The following KCNQ1 variants were observed in gnomAD, a reference collection of about 807,000 sequenced individuals.
KCNQ1 encodes potassium voltage-gated channel subfamily KQT member 1.
Under a neutral mutation model 72.4 loss-of-function variants are expected in KCNQ1, and 49 were observed. That is an observed-to-expected ratio of 0.68 (90% CI 0.54 to 0.86). The LOEUF (loss-of-function observed/expected upper bound fraction) is 0.86, where lower values mean the gene tolerates loss of function less well. Among genes scored for constraint, KCNQ1 ranks in the 40% least tolerant of loss-of-function variants. KCNQ1 has a pLI of 0.00. For missense variants in KCNQ1, 790 were observed against 945.1 expected, an observed-to-expected ratio of 0.84 and a Z score of 2.15; for synonymous variants, 450 against 412.6, an observed-to-expected ratio of 1.09 and a Z score of -1.10.
At chr11:2,506,463 C>T (rs1847107407) in intron 1 of KCNQ1, among the ~76,000 whole-genome samples, 2 of 152,196 alleles carry the variant, frequency 1.3e-5, no homozygotes, top group Admixed American at 1.3e-4. Context: ...TATTTATGGG[C>T]ATTTAGGTTG....
intron 10 of KCNQ1, chr11:2,638,026 G>C (rs898848061): frequency 7.9e-5 from 12 of 151,992 alleles, no homozygotes; most frequent in African/African-American, 2.7e-4. Flanking sequence ...TTTTCCATTT[G>C]CTTGGTAGAT....
chr11:2,637,149 T>G (rs1849484958), intron 10 of KCNQ1: 1 of 152,192 alleles, frequency 6.6e-6, no homozygotes, highest in South Asian at 2.1e-4. Context: ...GATTCATTGA[T>G]TTTTTGAAGG....
At chr11:2,540,100 G>A (rs975234142) in intron 2 of KCNQ1, among the ~76,000 whole-genome samples, 9 of 152,114 alleles carry the variant, frequency 5.9e-5, no homozygotes, top group African/African-American at 2.2e-4. Context: ...CCACCCTGTG[G>A]GGCCCACTGG....
intron 10 of KCNQ1, chr11:2,625,465 G>C: frequency 2.5e-6 from 1 of 398,452 alleles, no homozygotes; most frequent in East Asian, 3.6e-5. Flanking sequence ...GTGTATGTAA[G>C]GTTGTGGTTT....
chr11:2,584,505 GTGTGTGTGTT>G (rs1458527384), intron 7 of KCNQ1, among the ~76,000 whole-genome samples: 1 of 151,438 alleles, frequency 6.6e-6, no homozygotes, highest in Non-Finnish European at 1.5e-5. Context: ...ATGTGGGTTA[GTGTGTGTGTT>G]TGTGTGTTAG....
chr11:2,705,287 G>A (rs1301708007), intron 11 of KCNQ1, among the ~76,000 whole-genome samples: 3 of 152,204 alleles, frequency 2.0e-5, no homozygotes, highest in African/African-American at 7.2e-5. Flanking sequence ...CGGTCTCCAT[G>A]AGTGGCAGCA....
At chr11:2,640,247 T>A in intron 10 of KCNQ1, 1 of 396,962 alleles carries the variant, frequency 2.5e-6, no homozygotes, top group Admixed American at 4.4e-5. Flanking sequence ...CCCAGTGAGA[T>A]GAACCCACTA....
rs369569642 is a variant in KCNQ1 at position 2,520,931 on chromosome 11, C to T, written c.387-6997C>T. Among the ~76,000 whole-genome samples, 63 of 152,298 alleles carry T rather than the reference C, an allele frequency of 4.1e-4. 4 individuals are homozygous for T. The South Asian group carries it at 0.012, about 29-fold the overall frequency. ...ACCCATTGTCTGCTTATCAGCCTGG[C>T]GAGGTCCCGTCCCCAGTAGGGGTCT... is the stretch of plus-strand genomic sequence containing the variant. On this transcript the variant is annotated intron_variant, in intron 1 of 15. Coordinates refer to ENST00000155840, the MANE Select transcript of KCNQ1 (RefSeq NM_000218.3).
chr11:2,630,903 C>G (rs1032258219), intron 10 of KCNQ1: 53 of 398,334 alleles, frequency 1.3e-4, no homozygotes, highest in Non-Finnish European at 2.2e-4. Context: ...AATATATAAT[C>G]CTATTGTTTC....
chr11:2,530,959 G>A (rs1847614072), intron 2 of KCNQ1, among the ~76,000 whole-genome samples: 2 of 152,038 alleles, frequency 1.3e-5, no homozygotes, highest in African/African-American at 2.4e-5. Context: ...TTAGCCCCTC[G>A]CCCCCAGGTG....
chr11:2,533,616 GGTGT>G, intron 2 of KCNQ1, among the ~76,000 whole-genome samples: 1 of 152,352 alleles, frequency 6.6e-6, no homozygotes. Context: ...ACATATGCCT[GGTGT>G]GTGTGTGCAC....
At chr11:2,525,216 G>A (rs1358950015) in intron 1 of KCNQ1, among the ~76,000 whole-genome samples, 1 of 152,192 alleles carries the variant, frequency 6.6e-6, no homozygotes, top group African/African-American at 2.4e-5. Context: ...CTGTGTGCAA[G>A]GTGAGCCAGT....
intron 15 of KCNQ1, among the ~76,000 whole-genome samples, chr11:2,846,389 G>A (rs1334655234): frequency 6.6e-6 from 1 of 152,122 alleles, no homozygotes; most frequent in African/African-American, 2.4e-5. Flanking sequence ...AGGCCTCCAG[G>A]TACCCACGGT....
intron 15 of KCNQ1, among the ~76,000 whole-genome samples, chr11:2,786,408 T>A (rs574452318): frequency 6.6e-6 from 1 of 152,298 alleles, no homozygotes; most frequent in South Asian, 2.1e-4. Flanking sequence ...GATATGTTAA[T>A]AGGTTTCTTT....
Position 2,715,434 on chromosome 11 carries a change from G to T in KCNQ1, c.1514+53353G>T, listed in dbSNP as rs1024293116. ...ACCCTTTGTTGGCCAGTGTGGGAAT[G>T]GGGGGAGGCCAGGGAGGACCCCCTG... is the stretch of plus-strand genomic sequence containing the variant. On this transcript the variant is annotated intron_variant, in intron 11 of 15. Coordinates refer to ENST00000155840, the MANE Select transcript of KCNQ1 (RefSeq NM_000218.3). The surrounding 1 kb of genome is among the most constrained non-coding windows in gnomAD (Gnocchi z 4.9). Among the ~76,000 whole-genome samples, 11 of 152,100 alleles carry T rather than the reference G, an allele frequency of 7.2e-5. No homozygotes were observed. The highest frequency in any genetic ancestry group is 1.2e-4 in the African/African-American group (5 of 41,412).
intron 6 of KCNQ1, among the ~76,000 whole-genome samples, chr11:2,575,824 C>A (rs1848415022): frequency 6.6e-6 from 1 of 152,166 alleles, no homozygotes; most frequent in Non-Finnish European, 1.5e-5. Context: ...GGTGCTGGAG[C>A]TGCCACAACA....
chr11:2,539,482 C>T (rs1228959479), intron 2 of KCNQ1, among the ~76,000 whole-genome samples: 1 of 152,228 alleles, frequency 6.6e-6, no homozygotes, highest in Non-Finnish European at 1.5e-5. Flanking sequence ...TGGTGAGAGG[C>T]CCCACAAGCG....
At position 2,848,696 on chromosome 11, in the gene KCNQ1, A is replaced by T. The variant is rs1848394406; in HGVS notation, c.*693A>T. On this transcript the variant is annotated 3_prime_UTR_variant, in exon 16 of 16. Coordinates refer to ENST00000155840, the MANE Select transcript of KCNQ1 (RefSeq NM_000218.3). ...TAGACTGCCAGCTCTTCCTAGCTGGAGAGGAGCCCTGCCTCTCCGCCCCTG... is the reference window on the plus strand; with the variant it reads ...TAGACTGCCAGCTCTTCCTAGCTGGTGAGGAGCCCTGCCTCTCCGCCCCTG... The T allele has an allele frequency of 2.2e-6, 1 of 450,462 alleles. No homozygotes were observed. The highest frequency in any genetic ancestry group is 2.0e-5 in the African/African-American group (1 of 49,882). 27.9% of individuals were successfully genotyped at this position (450,462 alleles called of 1,614,324 possible). A position where few individuals can be genotyped will look rare whatever the true frequency, so the allele number is the denominator to read the frequency against.
In KCNQ1 at chr11:2,627,422, ACT is replaced by A. The variant is rs1849279119; in HGVS notation, c.1394-34536_1394-34535del. The A allele has an allele frequency of 5.0e-6, 2 of 398,128 alleles. No individual in the cohort carries two copies. Among genetic ancestry groups the A allele is most frequent in the Non-Finnish European group, 8.9e-6 (2 of 225,986 alleles). The allele number at this position is 398,128 out of a possible 1,614,324, so 24.7% of individuals were successfully genotyped here. On this transcript the variant is annotated intron_variant, in intron 10 of 15. Coordinates refer to ENST00000155840, the MANE Select transcript of KCNQ1 (RefSeq NM_000218.3). The surrounding 1 kb of genome is among the most constrained non-coding windows in gnomAD (Gnocchi z 4.9). ...ATGTCAAGAACTTATTCATCTGATA[ACT>A]CTATGTTTGTACCCTTCAACATTTC...
Sources: gnomAD v4.1 joint callset for allele counts (sites outside exome capture counted in the v4.1 genomes callset) on GRCh38, gnomAD v4.1.1 for gene constraint, Gnocchi (gnomAD v3.1) non-coding constraint, MANE v1.5 for transcripts, NCBI Gene and HGNC (gene_info 2026-07-23, HGNC 2026-07-21) for gene names.